Variants in AFMID observed in about 807,000 individuals in gnomAD.
The protein encoded by AFMID is arylformamidase.
Under a neutral mutation model 47.5 loss-of-function variants are expected in AFMID, and 39 were observed. The ratio of observed to expected loss-of-function variants is 0.82; its 90% CI spans 0.64 to 1.07. AFMID has a LOEUF of 1.07. AFMID is among the 50% of genes least tolerant of loss of function. AFMID has a pLI of 0.00. For synonymous variants in AFMID, 130 were observed against 153.2 expected, an observed-to-expected ratio of 0.85 and a Z score of 1.12; for missense variants, 375 against 387.5, an observed-to-expected ratio of 0.97 and a Z score of 0.27.
intron 2 of AFMID, among the ~76,000 whole-genome samples, chr17:78,199,995 T>C (rs1253582391): frequency 1.3e-5 from 2 of 151,434 alleles, no homozygotes; most frequent in Non-Finnish European, 2.9e-5. Context: ...CTGTGTTATG[T>C]AAGACGTTTA....
intron 10 of AFMID, among the ~76,000 whole-genome samples, chr17:78,206,362 A>G (rs1193600278): frequency 7.2e-6 from 1 of 138,576 alleles, no homozygotes; most frequent in Non-Finnish European, 1.6e-5. Context: ...AAAAAAAAAG[A>G]CCTGAGAACC....
Position 78,204,646 on chromosome 17 carries a change from GTC to G in AFMID, c.309-6_309-5del. The G allele has an allele frequency of 6.2e-7, 1 of 1,614,152 alleles. No individual in the cohort carries two copies. Among genetic ancestry groups the G allele is most frequent in the East Asian group, 2.2e-5 (1 of 44,872 alleles). The stretch of plus-strand genomic sequence containing the variant: ...CTGCCTCCAGCTGTCACATCTGTGT[GTC>G]TCTGCAGTAAGGATGAGTCTGCCTT... On this transcript the variant is annotated splice_region_variant and splice_polypyrimidine_tract_variant and intron_variant, in intron 4 of 10. Transcript: ENST00000409257.
At chr17:78,205,371 G>A in intron 7 of AFMID, 69 bp from the exon 8 acceptor site, 1 of 1,563,700 alleles carries the variant, frequency 6.4e-7, no homozygotes, top group Non-Finnish European at 8.8e-7. Context: ...CCCTCTGGCG[G>A]TGGGGGTGGG....
In AFMID at chr17:78,205,489, T is replaced by G. The variant is rs537121752; in HGVS notation, c.615T>G (p.Thr205=). 6.2e-7 allele frequency: 1 copy of G among 1,614,190 alleles called. No homozygotes were observed. Among genetic ancestry groups the G allele is most frequent in the South Asian group, 1.1e-5 (1 of 91,076 alleles). Residue 205 remains threonine, a synonymous_variant, in exon 8 of 11, where the codon ACT becomes ACG. Transcript: ENST00000409257. ...TTGACCTGGAGCCCATCGTGTATACTTCACAGAACGTTGCTCTCCAGCTGA... is the reference window on the plus strand; with the variant it reads ...TTGACCTGGAGCCCATCGTGTATACGTCACAGAACGTTGCTCTCCAGCTGA... The part of the protein sequence containing the change: ...GVFDLEPIVY[T]SQNVALQLTL...
At chr17:78,194,976 G>A (rs1170964943) in intron 2 of AFMID, among the ~76,000 whole-genome samples, 2 of 152,092 alleles carry the variant, frequency 1.3e-5, no homozygotes, top group African/African-American at 4.8e-5. Context: ...TTACAGGCGT[G>A]AGCCACCGTA....
intron 6 of AFMID, 37 bp from the exon 7 acceptor site, chr17:78,205,054 CTG>C (rs2076341871): frequency 6.3e-7 from 1 of 1,581,006 alleles, no homozygotes; most frequent in Admixed American, 1.8e-5. Flanking sequence ...TGTGGGGAAA[CTG>C]CGTGCAAATC....
At chr17:78,199,755 G>A (rs537097982) in intron 2 of AFMID, among the ~76,000 whole-genome samples, 76 of 152,298 alleles carry the variant, frequency 5.0e-4, no homozygotes, top group African/African-American at 1.7e-3. Flanking sequence ...CAAGTTGCAC[G>A]TTAATACACG....
At chr17:78,199,683 T>C (rs35308573) in intron 2 of AFMID, among the ~76,000 whole-genome samples, 57,300 of 151,910 alleles carry the variant, frequency 0.38, 12,530 homozygotes, top group East Asian at 0.64. Flanking sequence ...AGGCTTTTTT[T>C]TCTCTAGGCC....
In AFMID at chr17:78,204,641, T is replaced by C; in HGVS notation, c.309-15T>C. 1 of 1,614,076 alleles carries C rather than the reference T, an allele frequency of 6.2e-7. No homozygotes were observed. Among genetic ancestry groups the C allele is most frequent in the Non-Finnish European group, 8.5e-7 (1 of 1,179,946 alleles). ...CCAAGCTGCCTCCAGCTGTCACATC[T>C]GTGTGTCTCTGCAGTAAGGATGAGT... On this transcript the variant is annotated splice_polypyrimidine_tract_variant and intron_variant, in intron 4 of 10. Transcript: ENST00000409257.
At chr17:78,187,466 G>C in intron 1 of AFMID, 33 bp downstream of exon 1, 1 of 1,611,882 alleles carries the variant, frequency 6.2e-7, no homozygotes, top group Non-Finnish European at 8.5e-7. Flanking sequence ...CTAAGGGGCT[G>C]GGGCGGAGTT....
At chr17:78,205,565 T>A in intron 8 of AFMID, 38 bp from the exon 9 acceptor site, 2 of 1,613,978 alleles carry the variant, frequency 1.2e-6, no homozygotes, top group Non-Finnish European at 1.7e-6. Context: ...GGAGCCTGGC[T>A]CCTCTCTGTC....
chr17:78,203,330 G>A (rs1267575140), intron 4 of AFMID: 3 of 150,280 alleles, frequency 2.0e-5, no homozygotes, highest in Non-Finnish European at 2.9e-5. Context: ...CAAAGTTCTG[G>A]GATTACAGGC....
At chr17:78,199,595 G>A (rs541097144) in intron 2 of AFMID, among the ~76,000 whole-genome samples, 11 of 152,156 alleles carry the variant, frequency 7.2e-5, no homozygotes, top group Admixed American at 2.0e-4. Flanking sequence ...GGGTGGTCTC[G>A]AATGCCTGAC....
intron 2 of AFMID, among the ~76,000 whole-genome samples, chr17:78,198,353 C>G (rs2145863390): frequency 6.6e-6 from 1 of 151,770 alleles, no homozygotes; most frequent in South Asian, 2.1e-4. Context: ...AATCCCAGCA[C>G]TTTGGGAGGC....
rs753401860 is a variant in AFMID at position 78,204,654 on chromosome 17, A to C, written c.309-2A>C. The C allele has an allele frequency of 1.3e-5, 21 of 1,614,040 alleles. No homozygotes were observed. The highest frequency in any genetic ancestry group is 1.6e-4 in the Middle Eastern group (1 of 6,084). The stretch of plus-strand genomic sequence containing the variant: ...AGCTGTCACATCTGTGTGTCTCTGC[A>C]GTAAGGATGAGTCTGCCTTCATGGT... On this transcript the variant is annotated splice_acceptor_variant, in intron 4 of 10. Coordinates refer to ENST00000409257, the MANE Select transcript of AFMID (RefSeq NM_001010982.5). LOFTEE classifies it high-confidence loss of function.
chr17:78,200,735 T>G (rs911909528), intron 2 of AFMID, among the ~76,000 whole-genome samples: 9 of 152,196 alleles, frequency 5.9e-5, no homozygotes, highest in African/African-American at 2.2e-4. Flanking sequence ...AATTTCAGAC[T>G]TCTGGCCTTT....
intron 2 of AFMID, among the ~76,000 whole-genome samples, 175 bp downstream of exon 2, chr17:78,191,235 G>T (rs1399380764): frequency 1.3e-5 from 2 of 152,156 alleles, no homozygotes; most frequent in Non-Finnish European, 2.9e-5. Context: ...AGGACCCCTT[G>T]CTGCAGGGAC....
intron 2 of AFMID, chr17:78,197,277 A>G (rs2076138523): frequency 5.6e-6 from 8 of 1,434,946 alleles, no homozygotes; most frequent in African/African-American, 2.8e-5. Context: ...GCAGCCGGCA[A>G]TGGCCTCACA....
At chr17:78,188,513 G>A (rs1275864321) in intron 1 of AFMID, among the ~76,000 whole-genome samples, 4 of 152,052 alleles carry the variant, frequency 2.6e-5, no homozygotes, top group Non-Finnish European at 4.4e-5. Context: ...TCTACCTCCC[G>A]GGTTCAAGTG....
Sources: gnomAD v4.1 joint callset for allele counts (sites outside exome capture counted in the v4.1 genomes callset) on GRCh38, gnomAD v4.1.1 for gene constraint, MANE v1.5 for transcripts, NCBI Gene and HGNC (gene_info 2026-07-23, HGNC 2026-07-21) for gene names.